Variants in CWC27 observed in about 807,000 individuals in gnomAD.
CWC27 encodes CWC27 spliceosome associated cyclophilin.
CWC27 carries 47 observed loss-of-function variants against 63.6 expected under a neutral mutation model. The observed-to-expected ratio is 0.74, with a 90% CI of 0.58 to 0.94. The LOEUF is 0.94. Among genes scored for constraint, CWC27 ranks in the 40% least tolerant of loss-of-function variants. The pLI, the probability that CWC27 is intolerant of heterozygous loss-of-function variation, is 0.00. For missense variants in CWC27, 495 were observed against 554.3 expected, an observed-to-expected ratio of 0.89 and a Z score of 1.07; for synonymous variants, 175 against 179.8, an observed-to-expected ratio of 0.97 and a Z score of 0.22.
chr5:64,782,141 G>A (rs548296062), intron 3 of CWC27, 108 bp downstream of exon 3: 16 of 561,614 alleles, frequency 2.8e-5, no homozygotes, highest in East Asian at 6.1e-5. Flanking sequence ...AGGAAAAAAC[G>A]TTTCACATTA....
At chr5:64,911,129 G>T (rs946571351) in intron 11 of CWC27, among the ~76,000 whole-genome samples, 1 of 152,166 alleles carries the variant, frequency 6.6e-6, no homozygotes, top group African/African-American at 2.4e-5. Flanking sequence ...ACGTCTCTCT[G>T]ATCTGCAAAC....
intron 10 of CWC27, among the ~76,000 whole-genome samples, chr5:64,831,525 G>GATAGACAGACAC (rs1745520413): frequency 1.3e-5 from 2 of 150,486 alleles, no homozygotes; most frequent in African/African-American, 5.0e-5. Context: ...CAGACACATA[G>GATAGACAGACAC]ATAGATATGG....
intron 13 of CWC27, among the ~76,000 whole-genome samples, chr5:64,992,770 T>C (rs1749561134): frequency 6.6e-6 from 1 of 151,640 alleles, no homozygotes; most frequent in Admixed American, 6.6e-5. Context: ...CCTGACCTCA[T>C]GATCCACCTG....
chr5:64,769,672 A>G (rs1743169922), intron 1 of CWC27, among the ~76,000 whole-genome samples: 1 of 152,210 alleles, frequency 6.6e-6, no homozygotes. Flanking sequence ...GGTAAACAAA[A>G]GCCTGTATGT....
chr5:64,851,319 G>A (rs184567007), intron 10 of CWC27, among the ~76,000 whole-genome samples: 138 of 152,134 alleles, frequency 9.1e-4, no homozygotes, highest in Middle Eastern at 6.8e-3. Flanking sequence ...AATACCCTGT[G>A]TTCTCACTTA....
intron 13 of CWC27, among the ~76,000 whole-genome samples, chr5:65,010,913 A>G (rs1580781098): frequency 6.6e-6 from 1 of 152,348 alleles, no homozygotes; most frequent in East Asian, 1.9e-4. Context: ...TCAAGGAGCA[A>G]GGTGAACAAA....
At chr5:65,014,547 A>T (rs1580783177) in intron 13 of CWC27, among the ~76,000 whole-genome samples, 2 of 152,084 alleles carry the variant, frequency 1.3e-5, no homozygotes, top group African/African-American at 4.8e-5. Context: ...AATTCCAAAA[A>T]AATTCACTAC....
At chr5:64,779,298 G>C (rs1294853702) in intron 2 of CWC27, among the ~76,000 whole-genome samples, 3 of 152,188 alleles carry the variant, frequency 2.0e-5, no homozygotes, top group Non-Finnish European at 4.4e-5. Context: ...CTCAGCATGT[G>C]ATTGAATCAT....
At chr5:64,965,431 A>G (rs1748995226) in intron 11 of CWC27, among the ~76,000 whole-genome samples, 1 of 152,242 alleles carries the variant, frequency 6.6e-6, no homozygotes, top group African/African-American at 2.4e-5. Context: ...TTGAGTTAGC[A>G]ATTGAGGCAT....
chr5:64,973,384 A>C (rs1749159466), intron 12 of CWC27, among the ~76,000 whole-genome samples: 1 of 151,718 alleles, frequency 6.6e-6, no homozygotes. Context: ...CAGTTGGGAG[A>C]CTCTTGTGTT....
intron 11 of CWC27, among the ~76,000 whole-genome samples, chr5:64,900,197 C>G (rs1184007784): frequency 1.3e-5 from 2 of 152,234 alleles, no homozygotes; most frequent in African/African-American, 4.8e-5. Flanking sequence ...AGTGCATAAA[C>G]TATCCTGTTA....
chr5:64,964,029 A>G (rs148758109), intron 11 of CWC27, among the ~76,000 whole-genome samples: 38 of 152,368 alleles, frequency 2.5e-4, no homozygotes, highest in African/African-American at 9.1e-4. Flanking sequence ...TGACTGTAAT[A>G]TGTCTACATT....
chr5:64,857,887 C>T (rs1210008505), intron 10 of CWC27, among the ~76,000 whole-genome samples: 1 of 151,970 alleles, frequency 6.6e-6, no homozygotes, highest in African/African-American at 2.4e-5. Flanking sequence ...CTTGTAATCC[C>T]AGCACTTTGG....
At chr5:64,966,260 T>C (rs1029759176) in intron 11 of CWC27, among the ~76,000 whole-genome samples, 1 of 152,062 alleles carries the variant, frequency 6.6e-6, no homozygotes, top group Admixed American at 6.6e-5. Flanking sequence ...AATGTATTTG[T>C]ATGGAGAGGG....
chr5:64,878,642 G>A (rs1746858012), intron 10 of CWC27, among the ~76,000 whole-genome samples: 1 of 151,684 alleles, frequency 6.6e-6, no homozygotes, highest in African/African-American at 2.4e-5. Flanking sequence ...CTATACTCAA[G>A]TGCCACTTTT....
intron 11 of CWC27, among the ~76,000 whole-genome samples, chr5:64,933,159 A>G (rs1317511195): frequency 1.3e-5 from 2 of 152,140 alleles, no homozygotes; most frequent in Non-Finnish European, 2.9e-5. Context: ...TGGTGCTGAT[A>G]CTGCAGATCC....
chr5:64,788,754 C>T (rs1343306773), intron 6 of CWC27, among the ~76,000 whole-genome samples, 197 bp from the exon 7 acceptor site: 1 of 151,940 alleles, frequency 6.6e-6, no homozygotes, highest in East Asian at 1.9e-4. Context: ...TGCTGTGAGG[C>T]AAAAGCTTTA....
chr5:64,996,341 C>G (rs1374092372), intron 13 of CWC27, among the ~76,000 whole-genome samples: 1 of 152,108 alleles, frequency 6.6e-6, no homozygotes, highest in African/African-American at 2.4e-5. Flanking sequence ...ATCCCTTCTA[C>G]TTTCTGGTAT....
chr5:64,911,493 T>C (rs976334646), intron 11 of CWC27, among the ~76,000 whole-genome samples: 2 of 152,108 alleles, frequency 1.3e-5, no homozygotes, highest in African/African-American at 2.4e-5. Context: ...AAAATAAATC[T>C]CTATAAGACT....
Sources: gnomAD v4.1 joint callset for allele counts (sites outside exome capture counted in the v4.1 genomes callset) on GRCh38, gnomAD v4.1.1 for gene constraint, MANE v1.5 for transcripts, NCBI Gene and HGNC (gene_info 2026-07-23, HGNC 2026-07-21) for gene names.